Variants in ZNF577 observed in about 807,000 individuals in gnomAD.
ZNF577 encodes zinc finger protein 577.
Under a neutral mutation model 13.9 loss-of-function variants are expected in ZNF577, and 14 were observed. The ratio of observed to expected loss-of-function variants is 1.00; its 90% CI spans 0.66 to 1.57. The LOEUF (loss-of-function observed/expected upper bound fraction) is 1.57. ZNF577 is among the 40% of genes most tolerant of loss of function. The pLI is 0.00. For missense variants in ZNF577, 555 were observed against 579.2 expected (o/e 0.96, Z 0.43); for synonymous variants, 203 against 202.9 (o/e 1.00, Z 0.00).
intron 5 of ZNF577, among the ~76,000 whole-genome samples, chr19:51,849,904 A>G (rs1202776954): frequency 6.6e-6 from 1 of 152,242 alleles, no homozygotes; most frequent in Non-Finnish European, 1.5e-5. Flanking sequence ...CTACTGACAT[A>G]TACAGCAACA....
In ZNF577 at chr19:51,873,261, T is replaced by C; in HGVS notation, c.729A>G (p.Arg243=). ...TGAAGGCTTTTCCGCATTTGCTGCATCTGTAGGGTTTCTCTCCTGTATGGG... is the reference window on the plus strand; with the variant it reads ...TGAAGGCTTTTCCGCATTTGCTGCACCTGTAGGGTTTCTCTCCTGTATGGG... The part of the protein sequence containing the change: ...QRTHTGEKPY[R]CSKCGKAFSR... Residue 243 remains arginine, a synonymous_variant, in exon 6 of 6, where the codon AGA becomes AGG. Coordinates refer to ENST00000638348, the MANE Select transcript of ZNF577 (RefSeq NM_001370449.1). 1 of 1,613,090 alleles carries C rather than the reference T, an allele frequency of 6.2e-7. No individual in the cohort carries two copies. Among genetic ancestry groups the C allele is most frequent in the Non-Finnish European group, 8.5e-7 (1 of 1,179,110 alleles).
chr19:51,872,812 C>CT lies in ZNF577; in HGVS notation c.1177dup (p.Arg393LysfsTer38). On this transcript the variant is annotated frameshift_variant, in exon 6 of 6. Transcript: ENST00000638348. LOFTEE classifies it low-confidence loss of function (END_TRUNC). Reference sequence around the variant, plus strand: ...GCTCATGTATAAGGAGGTATGACTCCTTGAGGAAGGTTTCTCCACCGTCAG... The same window carrying CT: ...GCTCATGTATAAGGAGGTATGACTCCTTTGAGGAAGGTTTCTCCACCGTCAG... 1 of 1,614,142 alleles carries CT rather than the reference C, an allele frequency of 6.2e-7. No homozygotes were observed. Among genetic ancestry groups the CT allele is most frequent in the Non-Finnish European group, 8.5e-7 (1 of 1,180,028 alleles).
downstream of ZNF577, among the ~76,000 whole-genome samples, chr19:51,866,327 A>T (rs2084563057): frequency 6.6e-6 from 1 of 152,002 alleles, no homozygotes; most frequent in Non-Finnish European, 1.5e-5. Context: ...CTGCACTCCA[A>T]CCTGGGTGAC....
chr19:51,807,133 G>T (rs1363849456), intron 10 of ZNF577, among the ~76,000 whole-genome samples: 1 of 152,188 alleles, frequency 6.6e-6, no homozygotes, highest in African/African-American at 2.4e-5. Flanking sequence ...GAAGCGGTCA[G>T]GGGGCAGCTT....
chr19:51,808,713 G>A (rs1388738465), intron 10 of ZNF577, among the ~76,000 whole-genome samples: 1 of 152,202 alleles, frequency 6.6e-6, no homozygotes, highest in Non-Finnish European at 1.5e-5. Flanking sequence ...TGGAATAGCC[G>A]CTGGAGATGG....
chr19:51,873,731 A>T, intron 5 of ZNF577, 25 bp from the exon 6 acceptor site: 1 of 1,536,130 alleles, frequency 6.5e-7, no homozygotes, highest in Non-Finnish European at 8.8e-7. Flanking sequence ...AAACTTTTAC[A>T]ATGCGAGCCA....
rs1441287155 is a variant in ZNF577 at position 51,870,645 on chromosome 19, C to T, written c.*1887G>A. Among the ~76,000 whole-genome samples the T allele has an allele frequency of 6.6e-6, 1 of 152,170 alleles. No individual in the cohort carries two copies. The highest frequency in any genetic ancestry group is 2.4e-5 in the African/African-American group (1 of 41,434). ...TCTCACATACATATGCTGATTATGA[C>T]TCAAAAGGCTTGTGGGGGAAACTCT... On this transcript the variant is annotated 3_prime_UTR_variant, in exon 6 of 6. Coordinates refer to ENST00000638348, the MANE Select transcript of ZNF577 (RefSeq NM_001370449.1).
chr19:51,869,890 GC>G lies in ZNF577; in HGVS notation c.*2641del, dbSNP rs376897602. 6.3e-4 allele frequency among the ~76,000 whole-genome samples: 96 copies of G among 152,278 alleles called. No homozygotes were observed. Among genetic ancestry groups the G allele is most frequent in the African/African-American group, 2.2e-3 (93 of 41,578 alleles). ...CAAACTACACTTCCTAGGAAGCTCA[GC>G]AGCCCTGTTCAAAAGCCTCAGTTCC... On this transcript the variant is annotated 3_prime_UTR_variant, in exon 6 of 6. Coordinates refer to ENST00000638348, the MANE Select transcript of ZNF577 (RefSeq NM_001370449.1).
rs2084221708 is a variant in ZNF577 at position 51,824,949 on chromosome 19, AG to A, written c.*600-13276del. 1.4e-6 allele frequency: 1 copy of A among 719,320 alleles called. No homozygotes were observed. 44.6% of individuals were successfully genotyped at this position (719,320 alleles called of 1,614,324 possible). On this transcript the variant is annotated intron_variant and NMD_transcript_variant, in intron 9 of 10. Coordinates refer to the ZNF577 transcript ENST00000638827. This position sits in a 1 kb window ranked among gnomAD's most constrained non-coding sequence, Gnocchi z 4.7. ...TAAAGGAAGTCTGTACCAAATCTGT[AG>A]GGGGTTTTTCCCACAACCAAGCAAT...
intron 2 of ZNF577, 49 bp from the exon 3 acceptor site, chr19:51,880,450 T>A: frequency 2.6e-6 from 4 of 1,522,672 alleles, no homozygotes; most frequent in Non-Finnish European, 3.6e-6. Flanking sequence ...ACCCACAGGG[T>A]CTTAACAGTC....
rs7253924 is a variant in ZNF577 at position 51,824,960 on chromosome 19, C to A, written c.*600-13286G>T. 273,082 of 660,298 alleles carry A rather than the reference C, an allele frequency of 0.41. 57,418 individuals carry two copies. Among genetic ancestry groups the A allele is most frequent in the South Asian group, 0.53 (25,695 of 48,764 alleles). The allele number at this position is 660,298 out of a possible 1,614,324, so 40.9% of individuals were successfully genotyped here. On this transcript the variant is annotated intron_variant and NMD_transcript_variant, in intron 9 of 10. Coordinates refer to the ZNF577 transcript ENST00000638827. The surrounding 1 kb of genome is among the most constrained non-coding windows in gnomAD (Gnocchi z 4.7). ...TGTACCAAATCTGTAGGGGGTTTTT[C>A]CCACAACCAAGCAATAGACACCAGC...
Position 51,887,936 on chromosome 19 carries a change from G to C in ZNF577, c.-1334C>G, listed in dbSNP as rs929448170. ...CGCGAACCCCACACACTGCAGACGC[G>C]ACACTCGCAAGTTTCGGGGATGGCG... On this transcript the variant is annotated 5_prime_UTR_variant, in exon 1 of 6. Transcript: ENST00000638348. 14 of 152,306 alleles carry C rather than the reference G, an allele frequency of 9.2e-5. No homozygotes were observed. The highest frequency in any genetic ancestry group is 2.9e-4 in the African/African-American group (12 of 41,568). 9.4% of individuals were successfully genotyped at this position (152,306 alleles called of 1,614,324 possible).
intron 9 of ZNF577, chr19:51,817,915 G>T (rs768699026): frequency 1.3e-5 from 2 of 152,040 alleles, no homozygotes; most frequent in Non-Finnish European, 2.9e-5. Context: ...TCTGGAGCAG[G>T]GCTGTGCGAT....
rs1355445012 is a variant in ZNF577 at position 51,872,524 on chromosome 19, CAGA to C, written c.*5_*7del. 6.5e-7 allele frequency: 1 copy of C among 1,542,934 alleles called. No individual in the cohort carries two copies. The highest frequency in any genetic ancestry group is 8.7e-7 in the Non-Finnish European group (1 of 1,145,248). ...AAAGATTTTCCCACCTTTCTGGTAT[CAGA>C]AGATTTATTCTGATACAATATCTGT... On this transcript the variant is annotated 3_prime_UTR_variant, in exon 6 of 6. Transcript: ENST00000638348.
chr19:51,860,010 G>A (rs567249128), intron 5 of ZNF577, among the ~76,000 whole-genome samples: 2 of 152,042 alleles, frequency 1.3e-5, no homozygotes, highest in East Asian at 1.9e-4. Context: ...ACAATGAAAT[G>A]TCTAATATTT....
chr19:51,833,088 G>A (rs1249681675), intron 9 of ZNF577, among the ~76,000 whole-genome samples: 1 of 152,108 alleles, frequency 6.6e-6, no homozygotes, highest in African/African-American at 2.4e-5. Context: ...AAGAACTGAT[G>A]TCTTAATCAT....
At chr19:51,859,458 C>T (rs1024900445) in intron 5 of ZNF577, among the ~76,000 whole-genome samples, 6 of 152,094 alleles carry the variant, frequency 3.9e-5, no homozygotes, top group African/African-American at 1.2e-4. Flanking sequence ...TCAAAAGTTT[C>T]GGTGTGACAC....
At chr19:51,857,371 AAAGAAAG>A (rs2084438616) in intron 5 of ZNF577, among the ~76,000 whole-genome samples, 1 of 87,580 alleles carries the variant, frequency 1.1e-5, no homozygotes, top group African/African-American at 5.5e-5. Context: ...GGAAGGAAAG[AAAGAAAG>A]AAAGAAAGAA....
intron 5 of ZNF577, among the ~76,000 whole-genome samples, chr19:51,850,873 C>T (rs1299281342): frequency 6.6e-6 from 1 of 152,156 alleles, no homozygotes; most frequent in Non-Finnish European, 1.5e-5. Flanking sequence ...AATCAGTGAG[C>T]ATTACCATAT....
Sources: allele counts gnomAD v4.1 joint callset (sites outside exome capture counted in the v4.1 genomes callset), GRCh38; gene constraint gnomAD v4.1.1; non-coding constraint Gnocchi (gnomAD v3.1); transcripts MANE v1.5; gene names NCBI Gene and HGNC (gene_info 2026-07-23, HGNC 2026-07-21).